Variants in EML6 observed in about 807,000 individuals in gnomAD.
EML6 encodes the protein EMAP like 6.
Under a neutral mutation model 240.1 loss-of-function variants are expected in EML6, and 154 were observed. The observed-to-expected ratio is 0.64, with a 90% CI of 0.56 to 0.73. The LOEUF (loss-of-function observed/expected upper bound fraction) is 0.73, where lower values mean the gene tolerates loss of function less well. Among genes scored for constraint, EML6 ranks in the 30% least tolerant of loss-of-function variants. The probability of loss-of-function intolerance (pLI) is 0.00; values close to 1 mark genes in which losing one functional copy is unlikely to be tolerated. For synonymous variants in EML6, 1,148 were observed against 899.0 expected (o/e 1.28, Z -4.95); for missense variants, 2,964 against 2,474.6 (o/e 1.20, Z -4.20).
At chr2:54,915,563 C>G (rs1673866365) in intron 25 of EML6, among the ~76,000 whole-genome samples, 1 of 152,026 alleles carries the variant, frequency 6.6e-6, no homozygotes, top group Admixed American at 6.5e-5. Context: ...GCCCCCAAGT[C>G]ACAGGACCAG....
chr2:54,866,649 A>C, intron 13 of EML6, 117 bp from the exon 14 acceptor site: 1 of 532,808 alleles, frequency 1.9e-6, no homozygotes, highest in African/African-American at 1.9e-5. Context: ...CTCATGTCTT[A>C]AGTTTTCAAA....
rs916666721 is a variant in EML6 at position 54,759,301 on chromosome 2, A to G, written c.197+34043A>G. On this transcript the variant is annotated intron_variant, in intron 2 of 41. Coordinates refer to ENST00000356458, the MANE Select transcript of EML6 (RefSeq NM_001039753.4). ...TGGTATTTCATGTAGCTATCTTCAA[A>G]ACTTGAGTTTAGGAATACTGTCCAA... is the stretch of plus-strand genomic sequence containing the variant. Among the ~76,000 whole-genome samples, 12 of 151,186 alleles carry G rather than the reference A, an allele frequency of 7.9e-5. No individual in the cohort carries two copies. In the Admixed American group the frequency reaches 8.0e-4, roughly 10 times the overall value.
At chr2:54,955,030 C>T (rs1676167499) in intron 32 of EML6, among the ~76,000 whole-genome samples, 1 of 152,210 alleles carries the variant, frequency 6.6e-6, no homozygotes, top group African/African-American at 2.4e-5. Context: ...GTTCCAGTCA[C>T]TCCTGAGCAC....
intron 2 of EML6, among the ~76,000 whole-genome samples, chr2:54,773,528 T>C (rs1209454810): frequency 6.6e-6 from 1 of 152,240 alleles, no homozygotes; most frequent in Non-Finnish European, 1.5e-5. Flanking sequence ...AGAGACATTA[T>C]TCATCTTTGG....
intron 10 of EML6, among the ~76,000 whole-genome samples, chr2:54,852,811 T>C (rs370978587): frequency 2.3e-4 from 35 of 152,236 alleles, no homozygotes; most frequent in African/African-American, 8.0e-4. Flanking sequence ...TTAGGTAATA[T>C]GCTTAAATGT....
chr2:54,927,639 C>G (rs1573160226), intron 26 of EML6, among the ~76,000 whole-genome samples: 1 of 152,238 alleles, frequency 6.6e-6, no homozygotes, highest in Non-Finnish European at 1.5e-5. Flanking sequence ...GCAGCTGACT[C>G]ACATTCCACC....
intron 24 of EML6, among the ~76,000 whole-genome samples, chr2:54,905,481 G>A (rs1029794935): frequency 7.9e-5 from 12 of 151,838 alleles, no homozygotes; most frequent in African/African-American, 2.7e-4. Context: ...AGAAAAGAGG[G>A]TATATATAGA....
chr2:54,777,562 G>A (rs1668654712), intron 2 of EML6, among the ~76,000 whole-genome samples: 7 of 152,190 alleles, frequency 4.6e-5, no homozygotes. Context: ...AAGGGGAAAT[G>A]TAATTACTAT....
intron 35 of EML6, among the ~76,000 whole-genome samples, chr2:54,961,186 T>TG (rs796179489): frequency 0.01 from 958 of 93,148 alleles, 175 homozygotes; most frequent in African/African-American, 0.028. Flanking sequence ...AGGAAGTAGT[T>TG]TTTTTTTTTT....
intron 8 of EML6, among the ~76,000 whole-genome samples, chr2:54,846,758 A>G (rs1423276742): frequency 6.6e-6 from 1 of 152,050 alleles, no homozygotes. Flanking sequence ...TGCTGGGATT[A>G]TAGGCATGAG....
intron 2 of EML6, among the ~76,000 whole-genome samples, chr2:54,793,602 TG>T (rs1245426743): frequency 6.6e-6 from 1 of 152,190 alleles, no homozygotes; most frequent in Non-Finnish European, 1.5e-5. Flanking sequence ...GACTGCCAGT[TG>T]CCTACCAAAT....
chr2:54,853,406 G>C (rs1670197324), intron 10 of EML6, among the ~76,000 whole-genome samples: 1 of 151,920 alleles, frequency 6.6e-6, no homozygotes, highest in Non-Finnish European at 1.5e-5. Context: ...GATCAAGTCA[G>C]GATATTTAGG....
At chr2:54,943,062 C>T (rs1051931291) in intron 28 of EML6, among the ~76,000 whole-genome samples, 1 of 152,156 alleles carries the variant, frequency 6.6e-6, no homozygotes, top group Non-Finnish European at 1.5e-5. Context: ...CCTCCAAGCT[C>T]CTCCATCCTT....
intron 28 of EML6, 51 bp downstream of exon 28, chr2:54,928,802 C>G: frequency 6.5e-7 from 1 of 1,549,478 alleles, no homozygotes; most frequent in African/African-American, 1.4e-5. Flanking sequence ...TGACAAGAAA[C>G]TTGTTTAAGC....
chr2:54,879,499 T>G, intron 16 of EML6, 48 bp from the exon 17 acceptor site: 1 of 1,251,470 alleles, frequency 8.0e-7, no homozygotes, highest in Non-Finnish European at 1.1e-6. Flanking sequence ...ATGAAATGTT[T>G]TGTTTTTTCA....
intron 9 of EML6, 78 bp downstream of exon 9, chr2:54,847,701 C>G (rs767558143): frequency 1.7e-5 from 25 of 1,454,912 alleles, no homozygotes; most frequent in Admixed American, 4.2e-5. Context: ...ATAATACATG[C>G]TAGGACCTTA....
At chr2:54,847,229 G>T (rs1053076766) in intron 8 of EML6, among the ~76,000 whole-genome samples, 2 of 151,494 alleles carry the variant, frequency 1.3e-5, no homozygotes, top group South Asian at 2.1e-4. Flanking sequence ...TTTTTGTTCT[G>T]TGAATCTCAA....
chr2:54,916,413 A>G (rs1352538369), intron 25 of EML6, among the ~76,000 whole-genome samples: 2 of 152,234 alleles, frequency 1.3e-5, no homozygotes, highest in East Asian at 1.9e-4. Context: ...TTTCCAGCCT[A>G]AGACATCAGT....
At chr2:54,780,862 G>A (rs555757968) in intron 2 of EML6, among the ~76,000 whole-genome samples, 2 of 152,168 alleles carry the variant, frequency 1.3e-5, no homozygotes, top group African/African-American at 4.8e-5. Context: ...TATAATAGAT[G>A]GTTCATTCTT....
Sources: allele counts gnomAD v4.1 joint callset (sites outside exome capture counted in the v4.1 genomes callset), GRCh38; gene constraint gnomAD v4.1.1; transcripts MANE v1.5; gene names NCBI Gene and HGNC (gene_info 2026-07-23, HGNC 2026-07-21).